ZPBP: variants seen among roughly 807,000 people sequenced by gnomAD.
The protein encoded by ZPBP is zona pellucida-binding protein 1.
ZPBP carries 26 observed loss-of-function variants against 44.8 expected under a neutral mutation model. That is an observed-to-expected ratio of 0.58 (90% CI 0.43 to 0.81). The LOEUF (loss-of-function observed/expected upper bound fraction) is 0.81, where lower values mean the gene tolerates loss of function less well. ZPBP is among the 30% of genes least tolerant of loss of function. The probability of loss-of-function intolerance (pLI) is 0.00; values close to 1 mark genes in which losing one functional copy is unlikely to be tolerated. For synonymous variants in ZPBP, 174 were observed against 153.2 expected (o/e 1.14, Z -1.00); for missense variants, 409 against 434.0 (o/e 0.94, Z 0.51).
Position 50,093,117 on chromosome 7 carries a change from G to A in ZPBP, c.78C>T (p.Ala26=), listed in dbSNP as rs1562625076. The A allele has an allele frequency of 2.5e-6, 4 of 1,585,710 alleles. No individual in the cohort carries two copies. Among genetic ancestry groups the A allele is most frequent in the South Asian group, 2.3e-5 (2 of 87,348 alleles). ...AGGCGGAGATAAAGAGGAGGATGGC[G>A]GCCCGAGAGAGCAGGGAGCCGGCGG... ...TRAAGSLLSR[A]AILLFISAFL... Residue 26 remains alanine (A), a synonymous_variant, in exon 1 of 8, where the codon GCC becomes GCT. Transcript: ENST00000046087.
intron 5 of ZPBP, among the ~76,000 whole-genome samples, chr7:50,029,445 A>C (rs1421582113): frequency 6.6e-6 from 1 of 152,230 alleles, no homozygotes; most frequent in African/African-American, 2.4e-5. Context: ...TGAAAGTACA[A>C]GAAACACAAG....
chr7:49,938,503 T>C (rs1794710117), intron 7 of ZPBP, among the ~76,000 whole-genome samples: 1 of 152,192 alleles, frequency 6.6e-6, no homozygotes. Context: ...CCTTATTTTG[T>C]AAAACAGGTG....
At chr7:49,943,704 C>A in intron 7 of ZPBP, 1 of 256,094 alleles carries the variant, frequency 3.9e-6, no homozygotes, top group Non-Finnish European at 7.7e-6. Flanking sequence ...AGGGTTTATT[C>A]TTTTTCAAGT....
chr7:50,003,515 T>C (rs1365052626), intron 6 of ZPBP, among the ~76,000 whole-genome samples: 1 of 152,238 alleles, frequency 6.6e-6, no homozygotes, highest in Non-Finnish European at 1.5e-5. Flanking sequence ...GTGTGGAATG[T>C]GCTTACAGCA....
At chr7:49,861,862 C>T (rs1208884484) in intron 2 of ZPBP, among the ~76,000 whole-genome samples, 1 of 152,168 alleles carries the variant, frequency 6.6e-6, no homozygotes, top group Admixed American at 6.5e-5. Flanking sequence ...TATGTCTGTC[C>T]TTATGCCAGT....
intron 3 of ZPBP, among the ~76,000 whole-genome samples, chr7:50,064,794 T>G (rs1801420516): frequency 6.6e-6 from 1 of 152,170 alleles, no homozygotes; most frequent in African/African-American, 2.4e-5. Flanking sequence ...TGCTGTACAA[T>G]TTGTGCAGTT....
chr7:50,036,437 A>C (rs962449930), intron 4 of ZPBP, among the ~76,000 whole-genome samples: 1 of 152,204 alleles, frequency 6.6e-6, no homozygotes, highest in Non-Finnish European at 1.5e-5. Flanking sequence ...GGCATAAGCC[A>C]CCACGCCTGG....
chr7:50,030,855 T>C (rs1799575257), intron 5 of ZPBP, among the ~76,000 whole-genome samples: 1 of 152,172 alleles, frequency 6.6e-6, no homozygotes. Flanking sequence ...AATTCCACTC[T>C]ACAGTAAATT....
At chr7:50,003,566 G>A (rs554759673) in intron 6 of ZPBP, among the ~76,000 whole-genome samples, 5 of 152,282 alleles carry the variant, frequency 3.3e-5, no homozygotes, top group African/African-American at 9.6e-5. Context: ...ACTAATTTCT[G>A]TCTCACTTAA....
chr7:49,894,418 C>A (rs1387406984), intron 2 of ZPBP, among the ~76,000 whole-genome samples: 1 of 152,244 alleles, frequency 6.6e-6, no homozygotes, highest in Non-Finnish European at 1.5e-5. Context: ...CAGGCATGAG[C>A]CACTGCACCT....
intron 2 of ZPBP, among the ~76,000 whole-genome samples, chr7:49,859,621 G>A (rs1453630186): frequency 6.6e-6 from 1 of 152,178 alleles, no homozygotes; most frequent in Non-Finnish European, 1.5e-5. Context: ...TGTTACACAG[G>A]TGTATTTGCC....
chr7:50,062,740 A>T (rs1025947900), intron 3 of ZPBP, among the ~76,000 whole-genome samples: 4 of 152,168 alleles, frequency 2.6e-5, no homozygotes, highest in African/African-American at 9.7e-5. Context: ...GGCTCTACTG[A>T]TCATTCTTCC....
intron 3 of ZPBP, among the ~76,000 whole-genome samples, chr7:50,059,982 A>C (rs575313346): frequency 2.0e-5 from 3 of 152,250 alleles, no homozygotes; most frequent in African/African-American, 7.2e-5. Flanking sequence ...AGGCATTGAG[A>C]GTAGTCGGAG....
At chr7:49,970,465 A>C (rs1293108326) in intron 7 of ZPBP, among the ~76,000 whole-genome samples, 1 of 119,344 alleles carries the variant, frequency 8.4e-6, no homozygotes, top group African/African-American at 3.4e-5. Context: ...AGCTGAATAT[A>C]CTTTTTTTTT....
intron 6 of ZPBP, among the ~76,000 whole-genome samples, chr7:49,984,560 G>A (rs951938905): frequency 1.8e-4 from 28 of 152,186 alleles, no homozygotes; most frequent in African/African-American, 5.5e-4. Flanking sequence ...CATAAGGAGC[G>A]TGCCACCTAG....
chr7:49,896,870 T>C (rs1166256643), intron 2 of ZPBP, among the ~76,000 whole-genome samples: 1 of 148,150 alleles, frequency 6.7e-6, no homozygotes, highest in Non-Finnish European at 1.5e-5. Flanking sequence ...ATTAAGAAAA[T>C]TGGATTGATA....
At chr7:50,066,399 C>G (rs564755024) in intron 3 of ZPBP, among the ~76,000 whole-genome samples, 1 of 138,870 alleles carries the variant, frequency 7.2e-6, no homozygotes, top group African/African-American at 2.8e-5. Context: ...GTGCAGGTTC[C>G]TAACCTGGTT....
intron 2 of ZPBP, among the ~76,000 whole-genome samples, chr7:50,088,249 TACCTTGC>T (rs1043148082): frequency 2.0e-4 from 30 of 152,144 alleles, no homozygotes; most frequent in Non-Finnish European, 3.2e-4. Context: ...GCATGACCTC[TACCTTGC>T]ACCATATGCA....
At chr7:50,033,429 T>A (rs1799689226) in intron 4 of ZPBP, among the ~76,000 whole-genome samples, 2 of 152,142 alleles carry the variant, frequency 1.3e-5, no homozygotes, top group Non-Finnish European at 2.9e-5. Flanking sequence ...TCTACATGGT[T>A]CTTTACAGGG....
Sources: gnomAD v4.1 joint callset for allele counts (sites outside exome capture counted in the v4.1 genomes callset) on GRCh38, gnomAD v4.1.1 for gene constraint, MANE v1.5 for transcripts, NCBI Gene and HGNC (gene_info 2026-07-23, HGNC 2026-07-21) for gene names.